FAM13A: variants seen among roughly 807,000 people sequenced by gnomAD.
FAM13A encodes the protein protein FAM13A.
FAM13A carries 76 observed loss-of-function variants against 129.6 expected under a neutral mutation model. That is an observed-to-expected ratio of 0.59 (90% CI 0.49 to 0.71). The LOEUF (loss-of-function observed/expected upper bound fraction) is 0.71. Among genes scored for constraint, FAM13A ranks in the 30% least tolerant of loss-of-function variants. The pLI is 0.00. For missense variants in FAM13A, 1,108 were observed against 1,249.3 expected, an observed-to-expected ratio of 0.89 and a Z score of 1.70; for synonymous variants, 443 against 449.9, an observed-to-expected ratio of 0.98 and a Z score of 0.20.
intron 7 of FAM13A, 110 bp downstream of exon 7, chr4:88,850,909 TA>T (rs1737449783): frequency 1.7e-5 from 16 of 935,134 alleles, no homozygotes; most frequent in Non-Finnish European, 2.7e-5. Context: ...TACTGATCTA[TA>T]TCCTGTAAAC....
intron 23 of FAM13A, chr4:88,730,098 A>G (rs1056439349): frequency 2.6e-5 from 4 of 152,244 alleles, no homozygotes; most frequent in African/African-American, 9.6e-5. Context: ...TTTAAATGAC[A>G]AAGTTAATTT....
At chr4:88,984,575 A>G (rs1762014826) in intron 4 of FAM13A, among the ~76,000 whole-genome samples, 1 of 152,142 alleles carries the variant, frequency 6.6e-6, no homozygotes, top group African/African-American at 2.4e-5. Flanking sequence ...GCAAATCAAA[A>G]CCAAAATGAA....
At chr4:89,012,718 C>G (rs887944457) in intron 3 of FAM13A, among the ~76,000 whole-genome samples, 79 of 152,058 alleles carry the variant, frequency 5.2e-4, no homozygotes, top group African/African-American at 1.9e-3. Context: ...TTTGGTTTAG[C>G]CTAAATGTCT....
At chr4:88,757,886 T>C (rs1018602220) in intron 14 of FAM13A, among the ~76,000 whole-genome samples, 2 of 152,152 alleles carry the variant, frequency 1.3e-5, no homozygotes, top group Non-Finnish European at 2.9e-5. Flanking sequence ...GGGACTGATT[T>C]TTCACAGCTA....
intron 2 of FAM13A, among the ~76,000 whole-genome samples, chr4:89,028,418 C>A (rs879465292): frequency 6.6e-6 from 1 of 151,764 alleles, no homozygotes; most frequent in Non-Finnish European, 1.5e-5. Context: ...CATCATGGCT[C>A]ATGCCTATAA....
chr4:88,797,627 C>A (rs962085001), intron 8 of FAM13A, among the ~76,000 whole-genome samples: 1 of 152,068 alleles, frequency 6.6e-6, no homozygotes, highest in Admixed American at 6.6e-5. Flanking sequence ...TCCAGTTTCT[C>A]TTTTATCATG....
chr4:88,948,349 A>G lies in FAM13A; in HGVS notation c.606-10108T>C, dbSNP rs551949330. On this transcript the variant is annotated intron_variant, in intron 4 of 23. Coordinates refer to ENST00000264344, the MANE Select transcript of FAM13A (RefSeq NM_014883.4). ...TGTTGTAGAGATCTTATGAAGATCA[A>G]ATTCTTAAAAAGTTACGTGAAGGAA... is the stretch of plus-strand genomic sequence containing the variant. 3.6e-4 allele frequency among the ~76,000 whole-genome samples: 55 copies of G among 152,304 alleles called. No individual in the cohort carries two copies. The South Asian group carries it at 0.011, about 30-fold the overall frequency.
At chr4:88,993,016 T>G (rs957391548) in intron 3 of FAM13A, among the ~76,000 whole-genome samples, 1 of 152,168 alleles carries the variant, frequency 6.6e-6, no homozygotes, top group African/African-American at 2.4e-5. Context: ...TGACAGGAAG[T>G]GAAAACATAT....
chr4:88,934,096 C>T (rs1208624980), intron 5 of FAM13A, among the ~76,000 whole-genome samples: 1 of 152,154 alleles, frequency 6.6e-6, no homozygotes, highest in African/African-American at 2.4e-5. Flanking sequence ...TCTCAAGTGT[C>T]TTCATGGCTT....
chr4:88,869,858 C>T (rs903356955), intron 6 of FAM13A, among the ~76,000 whole-genome samples: 10 of 152,098 alleles, frequency 6.6e-5, no homozygotes, highest in African/African-American at 1.9e-4. Flanking sequence ...CATGAAAAGA[C>T]GAAAGGACTA....
chr4:88,790,891 C>T (rs545343432), intron 8 of FAM13A, among the ~76,000 whole-genome samples: 1 of 152,212 alleles, frequency 6.6e-6, no homozygotes, highest in East Asian at 1.9e-4. Flanking sequence ...GGAAAACCAT[C>T]TCTTAGCTGT....
intron 7 of FAM13A, among the ~76,000 whole-genome samples, chr4:88,824,741 T>C (rs572195534): frequency 1.8e-4 from 27 of 151,828 alleles, no homozygotes; most frequent in Non-Finnish European, 3.8e-4. Context: ...GGAGTCTTGC[T>C]CTGTCACCCA....
In FAM13A at chr4:88,787,819, G is replaced by A. The variant is rs1724280273; in HGVS notation, c.1205C>T (p.Ala402Val). 1.2e-6 allele frequency: 2 copies of A among 1,613,628 alleles called. No individual in the cohort carries two copies. Among genetic ancestry groups the A allele is most frequent in the Non-Finnish European group, 1.7e-6 (2 of 1,179,730 alleles). The change falls in exon 10 of 24, where the codon GCC (alanine) becomes GTC (valine). Residue 402 changes from alanine to valine, a missense_variant. Ala to Val is a moderately conservative substitution (Grantham distance 64). Transcript: ENST00000264344. ...SESGTLSASS[A>V]TSARQRRRQS... is the part of the protein sequence containing the mutation. The stretch of plus-strand genomic sequence containing the variant: ...GCGGCGGCGCTGTCTGGCAGATGTG[G>A]CAGAAGATGCTGATAGTGTTCCAGA...
At chr4:88,906,266 C>T (rs1014400831) in intron 6 of FAM13A, 113 bp downstream of exon 6, 21 of 761,886 alleles carry the variant, frequency 2.8e-5, no homozygotes, top group Admixed American at 1.4e-4. Context: ...CCAGCCTGGA[C>T]GATAAAGCAA....
chr4:88,781,870 T>C (rs1283378066), intron 10 of FAM13A, among the ~76,000 whole-genome samples: 1 of 151,100 alleles, frequency 6.6e-6, no homozygotes, highest in Non-Finnish European at 1.5e-5. Flanking sequence ...GGGATAGCAT[T>C]AGGAGATATA....
At chr4:88,984,530 T>C (rs1175087234) in intron 4 of FAM13A, among the ~76,000 whole-genome samples, 1 of 152,050 alleles carries the variant, frequency 6.6e-6, no homozygotes, top group East Asian at 1.9e-4. Context: ...AATAAGCACA[T>C]GAAAATATTC....
intron 4 of FAM13A, among the ~76,000 whole-genome samples, chr4:88,942,009 A>G (rs1023602367): frequency 1.3e-5 from 2 of 152,136 alleles, no homozygotes; most frequent in Non-Finnish European, 2.9e-5. Context: ...AAGATCCAAC[A>G]TAAAAATGAG....
intron 3 of FAM13A, among the ~76,000 whole-genome samples, chr4:89,011,464 A>G (rs1765724385): frequency 1.3e-5 from 2 of 152,204 alleles, no homozygotes; most frequent in South Asian, 4.1e-4. Context: ...TTAGCCTTCT[A>G]GATGTTCTCT....
intron 1 of FAM13A, among the ~76,000 whole-genome samples, chr4:89,045,856 T>C (rs1770771058): frequency 6.6e-6 from 1 of 151,936 alleles, no homozygotes; most frequent in South Asian, 2.1e-4. Context: ...AAACCCCGTC[T>C]CTACTAATAG....
Sources: gnomAD v4.1 joint callset for allele counts (sites outside exome capture counted in the v4.1 genomes callset) on GRCh38, gnomAD v4.1.1 for gene constraint, MANE v1.5 for transcripts, NCBI Gene and HGNC (gene_info 2026-07-23, HGNC 2026-07-21) for gene names.